CEP72: variants seen among roughly 807,000 people sequenced by gnomAD.
CEP72 encodes the protein centrosomal protein of 72 kDa.
A neutral mutation model predicts 65.7 loss-of-function variants in CEP72; 78 were observed. The observed-to-expected ratio is 1.19, with a 90% CI of 0.99 to 1.43. CEP72 has a LOEUF of 1.43. Ranked by LOEUF, CEP72 falls within the 40% of genes most tolerant of loss-of-function variation. CEP72 has a pLI of 0.00. For synonymous variants in CEP72, 358 were observed against 351.7 expected (o/e 1.02, Z -0.20); for missense variants, 914 against 832.9 (o/e 1.10, Z -1.20).
chr5:655,250 T>C (rs1218056131), downstream of CEP72, among the ~76,000 whole-genome samples: 3 of 152,038 alleles, frequency 2.0e-5, no homozygotes, highest in Admixed American at 6.6e-5. The surrounding 1 kb of genome is among the most constrained non-coding windows in gnomAD (Gnocchi z 5.0). Context: ...TCCCAGCTTC[T>C]TGGGGGGCTG....
At position 624,612 on chromosome 5, in the gene CEP72, GT is replaced by G. The variant is rs937898589; in HGVS notation, c.512+36del. ...CGGAAGTGCTACGGACACCCAGAGTGTTTCTGACTGGCCTGCTGTCAGGAGG... is the reference window on the plus strand; with the variant it reads ...CGGAAGTGCTACGGACACCCAGAGTGTTCTGACTGGCCTGCTGTCAGGAGG... On this transcript the variant is annotated intron_variant, in intron 4 of 11. Transcript: ENST00000264935. The surrounding 1 kb of genome is among the most constrained non-coding windows in gnomAD (Gnocchi z 4.7). 1 of 1,432,250 alleles carries G rather than the reference GT, an allele frequency of 7.0e-7. No individual in the cohort carries two copies. The highest frequency in any genetic ancestry group is 9.9e-7 in the Non-Finnish European group (1 of 1,014,366). The allele number at this position is 1,432,250 out of a possible 1,614,324, so 88.7% of individuals were successfully genotyped here. A position where few individuals can be genotyped will look rare whatever the true frequency, so the allele number is the denominator to read the frequency against.
In CEP72 at chr5:643,741, C is replaced by G. The variant is rs111445609; in HGVS notation, c.1540-558C>G. 1.3e-4 allele frequency: 111 copies of G among 863,654 alleles called. No individual in the cohort carries two copies. In the African/African-American group the frequency reaches 1.9e-3, roughly 15 times the overall value. 53.5% of individuals were successfully genotyped at this position (863,654 alleles called of 1,614,324 possible). On this transcript the variant is annotated intron_variant, in intron 9 of 11. Transcript: ENST00000264935. ...GGATGGCTCACACCTCACCAGACAC[C>G]CTGGGGCCAGGGAGGGGCAGAGGCT...
intron 7 of CEP72, 114 bp from the exon 8 acceptor site, chr5:638,975 C>T (rs930642093): frequency 1.1e-5 from 15 of 1,376,190 alleles, no homozygotes; most frequent in Non-Finnish European, 1.4e-5. Context: ...GGCCTCAGGG[C>T]ACCTGTCCTC....
chr5:624,308 G>T lies in CEP72; in HGVS notation c.404-163G>T, dbSNP rs1405221221. On this transcript the variant is annotated intron_variant, in intron 3 of 11. Transcript: ENST00000264935. This position sits in a 1 kb window ranked among gnomAD's most constrained non-coding sequence, Gnocchi z 4.7. ...CCTCAGCACCACGCTGGGCATCGCC[G>T]GGAAGCTGTGGGACCACCAGAGCCC... 6.6e-6 allele frequency among the ~76,000 whole-genome samples: 1 copy of T among 152,218 alleles called. No homozygotes were observed. Among genetic ancestry groups the T allele is most frequent in the South Asian group, 2.1e-4 (1 of 4,830 alleles).
the CEP72 span, among the ~76,000 whole-genome samples, chr5:674,967 T>G: frequency 0.01 from 1,437 of 142,358 alleles, 33 homozygotes; most frequent in African/African-American, 0.035. Context: ...GCCCTGAGAG[T>G]CAGTCCACAA....
intron 3 of CEP72, among the ~76,000 whole-genome samples, chr5:622,126 G>C (rs949827809): frequency 6.6e-6 from 1 of 152,254 alleles, no homozygotes; most frequent in African/African-American, 2.4e-5. Flanking sequence ...AGTTTCTGGA[G>C]ATGCTGGAAA....
intron 4 of CEP72, among the ~76,000 whole-genome samples, chr5:626,622 C>T (rs924547847): frequency 1.3e-5 from 2 of 152,120 alleles, no homozygotes; most frequent in African/African-American, 4.8e-5. Context: ...GAGTTTGAGA[C>T]CAGCCTGGAC....
chr5:647,321 C>A (rs1368405118), intron 10 of CEP72, among the ~76,000 whole-genome samples: 1 of 152,220 alleles, frequency 6.6e-6, no homozygotes, highest in African/African-American at 2.4e-5. Flanking sequence ...CAGAAACAGG[C>A]AGGAGTTTGT....
At chr5:620,393 G>T (rs929376415) in intron 3 of CEP72, 132 bp downstream of exon 3, 1 of 771,830 alleles carries the variant, frequency 1.3e-6, no homozygotes, top group East Asian at 2.7e-5. Flanking sequence ...GGTTTTCTAC[G>T]CTGGTGGCTT....
intron 5 of CEP72, 101 bp downstream of exon 5, chr5:634,048 T>G: frequency 1.9e-6 from 2 of 1,076,018 alleles, no homozygotes; most frequent in Non-Finnish European, 2.7e-6. Context: ...TTTGTGGAAC[T>G]TACCTTGAAG....
At chr5:638,940 C>T (rs1237656535) in intron 7 of CEP72, 149 bp from the exon 8 acceptor site, 10 of 957,618 alleles carry the variant, frequency 1.0e-5, no homozygotes, top group Middle Eastern at 3.2e-4. Flanking sequence ...ACTGCTGAGC[C>T]GCCCTCCACC....
Position 653,243 on chromosome 5 carries a change from G to T in CEP72, c.*90G>T. On this transcript the variant is annotated 3_prime_UTR_variant, in exon 12 of 12. Coordinates refer to ENST00000264935, the MANE Select transcript of CEP72 (RefSeq NM_018140.4). ...TACTTCTTTATTGAGTGTACTGGCT[G>T]GCAAGAGTTCTCTCTTCTGTTGGTA... 1 of 1,253,662 alleles carries T rather than the reference G, an allele frequency of 8.0e-7. No homozygotes were observed. Among genetic ancestry groups the T allele is most frequent in the Non-Finnish European group, 1.1e-6 (1 of 942,008 alleles). 77.7% of individuals were successfully genotyped at this position (1,253,662 alleles called of 1,614,324 possible). A position where few individuals can be genotyped will look rare whatever the true frequency, so the allele number is the denominator to read the frequency against.
intron 9 of CEP72, chr5:642,881 C>T (rs745867967): frequency 6.0e-5 from 59 of 985,384 alleles, no homozygotes; most frequent in Non-Finnish European, 7.0e-5. Context: ...ACGCTCATCC[C>T]TCGGTCACAT....
At chr5:643,633 G>C (rs1474015957) in intron 9 of CEP72, 17 of 985,268 alleles carry the variant, frequency 1.7e-5, no homozygotes, top group Non-Finnish European at 2.0e-5. Flanking sequence ...CCCGGCCCCA[G>C]GATGTGCCTG....
intron 9 of CEP72, chr5:643,795 C>A: frequency 3.4e-6 from 1 of 297,634 alleles, no homozygotes; most frequent in Non-Finnish European, 5.0e-6. Flanking sequence ...TGGCCCTTTC[C>A]CCTCCTCGAT....
At chr5:643,056 A>G in intron 9 of CEP72, 1 of 984,556 alleles carries the variant, frequency 1.0e-6, no homozygotes, top group Non-Finnish European at 1.2e-6. Context: ...CCTAGACTCC[A>G]AAAAATAAAA....
In CEP72 at chr5:664,739, C is replaced by T. The variant is rs149780266; in HGVS notation, n.288-441C>T. 3.7e-3 allele frequency: 840 copies of T among 229,312 alleles called. 9 individuals carry two copies. Among genetic ancestry groups the T allele is most frequent in the African/African-American group, 0.017 (738 of 44,044 alleles). The allele number at this position is 229,312 out of a possible 1,614,324, so 14.2% of individuals were successfully genotyped here. ...CAGGGCTCCTGGAAGGTGTCTGCCGCTCAGGAGGTCAGCACAGCCTCCTGT... is the reference window on the plus strand; with the variant it reads ...CAGGGCTCCTGGAAGGTGTCTGCCGTTCAGGAGGTCAGCACAGCCTCCTGT... On this transcript the variant is annotated intron_variant and non_coding_transcript_variant, in intron 2 of 4. Coordinates refer to the CEP72 transcript ENST00000514507.
At chr5:638,022 C>T (rs1737739961) in intron 7 of CEP72, among the ~76,000 whole-genome samples, 1 of 152,110 alleles carries the variant, frequency 6.6e-6, no homozygotes, top group South Asian at 2.1e-4. Flanking sequence ...TTTGGCGGTG[C>T]CGTGATTACG....
At chr5:616,193 T>A (rs60688473) in intron 1 of CEP72, among the ~76,000 whole-genome samples, 3,992 of 152,332 alleles carry the variant, frequency 0.026, 68 homozygotes, top group African/African-American at 0.041. Flanking sequence ...TTAGGGCAGG[T>A]CTGCTTGTGA....
Sources: gnomAD v4.1 joint callset for allele counts (sites outside exome capture counted in the v4.1 genomes callset) on GRCh38, gnomAD v4.1.1 for gene constraint, Gnocchi (gnomAD v3.1) non-coding constraint, MANE v1.5 for transcripts, NCBI Gene and HGNC (gene_info 2026-07-23, HGNC 2026-07-21) for gene names.